Variants in PPP5C observed in about 807,000 individuals in gnomAD.
The protein encoded by PPP5C is serine/threonine-protein phosphatase 5.
A neutral mutation model predicts 66.7 loss-of-function variants in PPP5C; 21 were observed. That is an observed-to-expected ratio of 0.31 (90% confidence interval 0.22 to 0.45). PPP5C has a LOEUF of 0.45. Ranked by LOEUF, PPP5C falls within the 20% of genes least tolerant of loss-of-function variation. PPP5C has a pLI of 1.00. For missense variants in PPP5C, 464 were observed against 675.9 expected, an observed-to-expected ratio of 0.69 and a Z score of 3.48; for synonymous variants, 246 against 257.4, an observed-to-expected ratio of 0.96 and a Z score of 0.43.
At chr19:46,364,172 CAG>C (rs1365098316) in intron 2 of PPP5C, among the ~76,000 whole-genome samples, 1 of 152,210 alleles carries the variant, frequency 6.6e-6, no homozygotes, top group Non-Finnish European at 1.5e-5. Flanking sequence ...GAGAGGAAAT[CAG>C]AGAGAACAGA....
intron 11 of PPP5C, 109 bp from the exon 12 acceptor site, chr19:46,389,942 T>C (rs1187962239): frequency 1.0e-6 from 1 of 958,554 alleles, no homozygotes; most frequent in East Asian, 2.4e-5. Flanking sequence ...CTGTTGTGGC[T>C]CTGTCCCTCC....
chr19:46,352,712 C>CG (rs1568563963), intron 1 of PPP5C, among the ~76,000 whole-genome samples: 1 of 151,496 alleles, frequency 6.6e-6, no homozygotes, highest in Non-Finnish European at 1.5e-5. Flanking sequence ...CCCAGCTGCT[C>CG]GGGGGGCTAA....
At chr19:46,349,005 G>A (rs538263932) in intron 1 of PPP5C, among the ~76,000 whole-genome samples, 1 of 152,286 alleles carries the variant, frequency 6.6e-6, no homozygotes, top group South Asian at 2.1e-4. Context: ...GGAGGAAGTG[G>A]AGACAGCAAA....
rs761012860 is a variant in PPP5C, at chr19:46,388,456, T to C, written c.1176+8T>C. ...TCAGATCCACAGCCACAGGTGAGTC[T>C]AGGGTGGGGTGCAGGGCCGGCGGGT... On this transcript the variant is annotated splice_region_variant and intron_variant, in intron 10 of 12. Transcript: ENST00000012443. This position sits in a 1 kb window ranked among gnomAD's most constrained non-coding sequence, Gnocchi z 4.9. The C allele has an allele frequency of 3.7e-6, 6 of 1,612,442 alleles. No homozygotes were observed. Among genetic ancestry groups the C allele is most frequent in the Non-Finnish European group, 5.1e-6 (6 of 1,178,730 alleles).
rs201256062 is a variant in PPP5C at position 46,384,758 on chromosome 19, C to T, written c.799-46C>T. ...GCCACCACCCCCAACCCCACCGCAC[C>T]GCACCCTTCCCCTCCACGCTTGCCA... On this transcript the variant is annotated intron_variant, in intron 6 of 12. Transcript: ENST00000012443. 42 of 1,478,848 alleles carry T rather than the reference C, an allele frequency of 2.8e-5. No homozygotes were observed. In the East Asian group the frequency reaches 3.6e-4, roughly 13 times the overall value. The allele number at this position is 1,478,848 out of a possible 1,614,324, so 91.6% of individuals were successfully genotyped here. A position where few individuals can be genotyped will look rare whatever the true frequency, so the allele number is the denominator to read the frequency against.
chr19:46,368,759 T>C lies in PPP5C; in HGVS notation c.364-6845T>C, dbSNP rs116560207. Among the ~76,000 whole-genome samples, 630 of 152,320 alleles carry C rather than the reference T, an allele frequency of 4.1e-3. 5 individuals are homozygous for C. The highest frequency in any genetic ancestry group is 0.014 in the African/African-American group (594 of 41,562). ...CTCCAGTTTCCATTATACCACTCTGTATGCCTTGCATACCCATAGCTTAGC... is the reference window on the plus strand; with the variant it reads ...CTCCAGTTTCCATTATACCACTCTGCATGCCTTGCATACCCATAGCTTAGC... On this transcript the variant is annotated intron_variant, in intron 2 of 12. Transcript: ENST00000012443.
chr19:46,373,292 C>T lies in PPP5C; in HGVS notation c.364-2312C>T, dbSNP rs532842382. ...CGGAAATCAGGAGCCTGGGCTTTGGCGCAGTTTCGCCTGGGAGAGAAGGGA... is the reference window on the plus strand; with the variant it reads ...CGGAAATCAGGAGCCTGGGCTTTGGTGCAGTTTCGCCTGGGAGAGAAGGGA... On this transcript the variant is annotated intron_variant, in intron 2 of 12. Transcript: ENST00000012443. Among the ~76,000 whole-genome samples the T allele has an allele frequency of 3.9e-5, 6 of 152,340 alleles. No homozygotes were observed. In the East Asian group the frequency reaches 9.6e-4, roughly 24 times the overall value.
chr19:46,390,159 C>T, intron 12 of PPP5C, 27 bp downstream of exon 12: 1 of 1,612,088 alleles, frequency 6.2e-7, no homozygotes, highest in Non-Finnish European at 8.5e-7. Flanking sequence ...GGCCCCTGCC[C>T]CTTCCATCCC....
intron 2 of PPP5C, among the ~76,000 whole-genome samples, chr19:46,364,014 A>G (rs928907009): frequency 1.3e-5 from 2 of 152,154 alleles, no homozygotes; most frequent in African/African-American, 4.8e-5. Flanking sequence ...GGAGGGACAG[A>G]CAGCGGTACA....
At position 46,375,770 on chromosome 19, in the gene PPP5C, C is replaced by T. The variant is rs1245533536; in HGVS notation, c.511+19C>T. ...AGCATGAGTGAGTCAGGCCTGGATGCTCCACGCTCCAGCCCAGAACATTCC... is the reference window on the plus strand; with the variant it reads ...AGCATGAGTGAGTCAGGCCTGGATGTTCCACGCTCCAGCCCAGAACATTCC... On this transcript the variant is annotated intron_variant, in intron 3 of 12. Transcript: ENST00000012443. The T allele has an allele frequency of 1.3e-6, 2 of 1,569,404 alleles. No homozygotes were observed. Among genetic ancestry groups the T allele is most frequent in the East Asian group, 2.4e-5 (1 of 42,204 alleles).
intron 2 of PPP5C, among the ~76,000 whole-genome samples, chr19:46,363,225 G>A (rs1347960883): frequency 7.9e-6 from 1 of 126,574 alleles, no homozygotes; most frequent in Non-Finnish European, 1.6e-5. Flanking sequence ...GGAGAATGGC[G>A]TGAACCCGGG....
intron 7 of PPP5C, 26 bp from the exon 8 acceptor site, chr19:46,387,067 T>C: frequency 6.2e-7 from 1 of 1,614,130 alleles, no homozygotes; most frequent in Non-Finnish European, 8.5e-7. Context: ...AGGCTGAGCT[T>C]TCTCTTCTGT....
At chr19:46,356,373 C>T (rs893273306) in intron 2 of PPP5C, among the ~76,000 whole-genome samples, 1 of 152,238 alleles carries the variant, frequency 6.6e-6, no homozygotes, top group African/African-American at 2.4e-5. Context: ...TTCATCTTCC[C>T]AAGACTCTAC....
intron 2 of PPP5C, among the ~76,000 whole-genome samples, chr19:46,362,897 C>CGGCAGGGGAA (rs1972415822): frequency 2.7e-5 from 4 of 150,816 alleles, no homozygotes; most frequent in Non-Finnish European, 4.4e-5. Flanking sequence ...ATGCCATTCC[C>CGGCAGGGGAA]CTGCCTCAGC....
In PPP5C at chr19:46,365,125, G is replaced by A. The variant is rs975251814; in HGVS notation, c.364-10479G>A. ...GGTCTCCCAAGTAGCTGGGATTACA[G>A]GCATGAGCCACCACGCCCAGCTACT... On this transcript the variant is annotated intron_variant, in intron 2 of 12. Coordinates refer to ENST00000012443, the MANE Select transcript of PPP5C (RefSeq NM_006247.4). Among the ~76,000 whole-genome samples, 3 of 152,124 alleles carry A rather than the reference G, an allele frequency of 2.0e-5. No homozygotes were observed. In the East Asian group the frequency reaches 5.8e-4, roughly 29 times the overall value.
chr19:46,356,912 C>A (rs1972296701), intron 2 of PPP5C, among the ~76,000 whole-genome samples: 1 of 152,202 alleles, frequency 6.6e-6, no homozygotes, highest in South Asian at 2.1e-4. Flanking sequence ...CTCAGGACGC[C>A]TAGGTTCACA....
At chr19:46,359,210 C>T (rs578125057) in intron 2 of PPP5C, among the ~76,000 whole-genome samples, 1 of 151,956 alleles carries the variant, frequency 6.6e-6, no homozygotes, top group South Asian at 2.1e-4. Context: ...GTAGGATGGC[C>T]TCACAGAGTG....
intron 2 of PPP5C, among the ~76,000 whole-genome samples, chr19:46,361,998 AT>A (rs1972401314): frequency 1.3e-5 from 2 of 151,644 alleles, no homozygotes; most frequent in African/African-American, 4.8e-5. Context: ...AGTTTATCTC[AT>A]TTTTTCTTTC....
In PPP5C at chr19:46,353,759, G is replaced by A. The variant is rs553624039; in HGVS notation, c.133G>A (p.Glu45Lys). 4 of 1,614,132 alleles carry A rather than the reference G, an allele frequency of 2.5e-6. No homozygotes were observed. Among genetic ancestry groups the A allele is most frequent in the South Asian group, 2.2e-5 (2 of 91,076 alleles). ...TTCTGTCTCCGCAGCCAAGGACTAC[G>A]AGAACGCCATCAAGTTCTACAGCCA... is the stretch of plus-strand genomic sequence containing the variant. Reference protein sequence around the residue: ...ANDYFKAKDYENAIKFYSQAI... With the variant: ...ANDYFKAKDYKNAIKFYSQAI... The change falls in exon 2 of 13, where the codon GAG becomes AAG. Residue 45 changes from glutamate to lysine, a missense_variant. Glu to Lys is a moderately conservative substitution (Grantham distance 56). Coordinates refer to ENST00000012443, the MANE Select transcript of PPP5C (RefSeq NM_006247.4).
Sources: allele counts gnomAD v4.1 joint callset (sites outside exome capture counted in the v4.1 genomes callset), GRCh38; gene constraint gnomAD v4.1.1; non-coding constraint Gnocchi (gnomAD v3.1); transcripts MANE v1.5; gene names NCBI Gene and HGNC (gene_info 2026-07-23, HGNC 2026-07-21).